RYR2: variants seen among roughly 807,000 people sequenced by gnomAD.
RYR2 encodes the protein cardiac muscle ryanodine receptor-calcium release channel.
RYR2 carries 227 observed loss-of-function variants against 601.1 expected under a neutral mutation model. That is an observed-to-expected ratio of 0.38 (90% CI 0.34 to 0.42). The LOEUF is 0.42. Ranked by LOEUF, RYR2 falls within the 10% of genes least tolerant of loss-of-function variation. The pLI is 1.00. For missense variants in RYR2, 4,646 were observed against 6,156.5 expected (o/e 0.75, Z 8.21); for synonymous variants, 2,223 against 2,175.1 (o/e 1.02, Z -0.61).
chr1:237,513,720 G>T (rs1191143177), intron 24 of RYR2, among the ~76,000 whole-genome samples: 1 of 152,194 alleles, frequency 6.6e-6, no homozygotes, highest in Admixed American at 6.5e-5. Flanking sequence ...GTACAAGTTT[G>T]TAGCCTAGCA....
Position 237,220,957 on chromosome 1 carries a change from G to T in RYR2, c.49-49540G>T, listed in dbSNP as rs192088930. Reference sequence around the variant, plus strand: ...TAGTAATAAAAAAATGTAGCTGGGCGTGGTGGTGGGTGCCCGTAATCCCAG... The same window carrying T: ...TAGTAATAAAAAAATGTAGCTGGGCTTGGTGGTGGGTGCCCGTAATCCCAG... On this transcript the variant is annotated intron_variant, in intron 1 of 104. Coordinates refer to ENST00000366574, the MANE Select transcript of RYR2 (RefSeq NM_001035.3). Among the ~76,000 whole-genome samples, 2 of 152,160 alleles carry T rather than the reference G, an allele frequency of 1.3e-5. 1 individual carries two copies. The highest frequency in any genetic ancestry group is 4.2e-4 in the South Asian group (2 of 4,812).
chr1:237,319,810 G>A (rs375003806), intron 2 of RYR2, among the ~76,000 whole-genome samples: 2 of 152,182 alleles, frequency 1.3e-5, no homozygotes, highest in African/African-American at 4.8e-5. Flanking sequence ...TGCAACTTCA[G>A]TCAAAAATAT....
At chr1:237,715,674 G>A (rs1689211262) in intron 71 of RYR2, among the ~76,000 whole-genome samples, 1 of 152,002 alleles carries the variant, frequency 6.6e-6, no homozygotes, top group East Asian at 1.9e-4. Flanking sequence ...AATAAATTTA[G>A]ACTAAGAAAA....
At chr1:237,080,723 G>T (rs1024070245) in intron 1 of RYR2, among the ~76,000 whole-genome samples, 1 of 66,702 alleles carries the variant, frequency 1.5e-5, no homozygotes, top group East Asian at 3.6e-4. Flanking sequence ...TCAGTGTGGC[G>T]ATTCCTCAGG....
At chr1:237,690,220 G>C (rs931371670) in intron 63 of RYR2, among the ~76,000 whole-genome samples, 1 of 152,190 alleles carries the variant, frequency 6.6e-6, no homozygotes, top group African/African-American at 2.4e-5. Flanking sequence ...ATGGGCTGTA[G>C]ATGCTAATAT....
rs967337973 is a variant in RYR2, at chr1:237,708,892, T to A, written c.9936T>A (p.Pro3312=). ...FSQPIINKVK[P]QLLKTHFLPL... is the part of the protein sequence containing the mutation. ...AGCCTATAATAAATAAAGTGAAACC[T>A]CAGCTCTTGAAAACTCATTTCTTGC... Residue 3312 remains proline (P), a synonymous_variant, in exon 69 of 105, where the codon CCT becomes CCA. Transcript: ENST00000366574. 4 of 1,611,444 alleles carry A rather than the reference T, an allele frequency of 2.5e-6. No individual in the cohort carries two copies. The East Asian group carries it at 8.9e-5, about 36-fold the overall frequency.
intron 1 of RYR2, among the ~76,000 whole-genome samples, chr1:237,202,026 C>T (rs1572185195): frequency 6.6e-6 from 1 of 152,124 alleles, no homozygotes; most frequent in Admixed American, 6.5e-5. Context: ...ATAAAATGTT[C>T]GTAGAGAAAT....
chr1:237,061,211 T>TTCTATCTG (rs1553275427), intron 1 of RYR2, among the ~76,000 whole-genome samples: 10 of 104,204 alleles, frequency 9.6e-5, no homozygotes, highest in African/African-American at 3.4e-4. Flanking sequence ...AATACGGTTG[T>TTCTATCTG]TCTATCTATC....
chr1:237,049,574 C>T (rs1399107868), intron 1 of RYR2, among the ~76,000 whole-genome samples: 1 of 152,114 alleles, frequency 6.6e-6, no homozygotes, highest in African/African-American at 2.4e-5. Flanking sequence ...CAAAATCTCA[C>T]CCTGGGACTG....
chr1:237,386,088 G>A (rs1471237971), intron 8 of RYR2, among the ~76,000 whole-genome samples: 1 of 152,178 alleles, frequency 6.6e-6, no homozygotes, highest in Non-Finnish European at 1.5e-5. Context: ...AAGTAAAGAA[G>A]AAATTGTACA....
intron 79 of RYR2, among the ~76,000 whole-genome samples, chr1:237,735,070 C>T (rs1002220419): frequency 6.6e-6 from 1 of 152,088 alleles, no homozygotes; most frequent in Non-Finnish European, 1.5e-5. Context: ...AACATAGGAG[C>T]TAGAAGCTAT....
intron 1 of RYR2, among the ~76,000 whole-genome samples, chr1:237,163,187 C>A (rs1254851076): frequency 6.6e-6 from 1 of 152,206 alleles, no homozygotes; most frequent in Non-Finnish European, 1.5e-5. Context: ...ACCGTGATCT[C>A]TAAGATACCT....
chr1:237,225,792 C>T (rs1457134639), intron 1 of RYR2, among the ~76,000 whole-genome samples: 2 of 152,142 alleles, frequency 1.3e-5, no homozygotes, highest in African/African-American at 2.4e-5. Context: ...CACGGTGGCT[C>T]ATGCCTGTAA....
intron 71 of RYR2, among the ~76,000 whole-genome samples, chr1:237,714,238 AT>A (rs1689073643): frequency 1.3e-5 from 2 of 152,228 alleles, no homozygotes; most frequent in Admixed American, 1.3e-4. Context: ...TGCCTCACAG[AT>A]TATAGGCATG....
chr1:237,206,737 CA>C (rs1681862596), intron 1 of RYR2, among the ~76,000 whole-genome samples: 1 of 152,122 alleles, frequency 6.6e-6, no homozygotes, highest in Non-Finnish European at 1.5e-5. Flanking sequence ...TTGAATACTG[CA>C]AATTAGTTTG....
chr1:237,595,432 A>C, intron 33 of RYR2, 66 bp from the exon 34 acceptor site: 1 of 1,572,188 alleles, frequency 6.4e-7, no homozygotes, highest in Non-Finnish European at 8.6e-7. Context: ...GTTAGTTTGC[A>C]AGATATACCT....
At chr1:237,665,397 CAA>C (rs71162408) in intron 56 of RYR2, among the ~76,000 whole-genome samples, 11 of 95,602 alleles carry the variant, frequency 1.2e-4, no homozygotes, top group Non-Finnish European at 1.6e-4. Flanking sequence ...GACTCTGTCT[CAA>C]AAAAAAAAAA....
At chr1:237,688,227 G>T (rs1242479828) in intron 63 of RYR2, among the ~76,000 whole-genome samples, 1 of 152,194 alleles carries the variant, frequency 6.6e-6, no homozygotes, top group African/African-American at 2.4e-5. Flanking sequence ...AACTGCCGAA[G>T]AAAATGTGAA....
At chr1:237,441,787 TC>T (rs1707926428) in intron 13 of RYR2, among the ~76,000 whole-genome samples, 1 of 152,028 alleles carries the variant, frequency 6.6e-6, no homozygotes. Flanking sequence ...TGTGACAAAG[TC>T]CGTTACTGAC....
Sources: allele counts gnomAD v4.1 joint callset (sites outside exome capture counted in the v4.1 genomes callset), GRCh38; gene constraint gnomAD v4.1.1; transcripts MANE v1.5; gene names NCBI Gene and HGNC (gene_info 2026-07-23, HGNC 2026-07-21).